The following PHKA2 variants were observed in gnomAD, a reference collection of about 807,000 sequenced individuals.
PHKA2 encodes the protein phosphorylase b kinase regulatory subunit alpha, liver isoform.
In PHKA2, 31 loss-of-function variants were observed where a neutral mutation model predicts 102.0. The ratio of observed to expected loss-of-function variants is 0.30; its 90% confidence interval spans 0.23 to 0.41. PHKA2 has a LOEUF of 0.41. PHKA2 is among the 10% of genes least tolerant of loss of function. The probability of loss-of-function intolerance (pLI) is 1.00; values close to 1 mark genes in which losing one functional copy is unlikely to be tolerated. For synonymous variants in PHKA2, 455 were observed against 416.2 expected (o/e 1.09, Z -1.13); for missense variants, 858 against 1,023.1 (o/e 0.84, Z 2.20).
chrX:18,907,832 TG>T, intron 22 of PHKA2, 67 bp downstream of exon 22: 1 of 1,083,617 alleles, frequency 9.2e-7, no homozygotes. Flanking sequence ...ACTGGGAGAT[TG>T]GAAGTGGAAG....
intron 19 of PHKA2, 83 bp from the exon 20 acceptor site, chrX:18,911,043 T>C (rs1401888769): frequency 3.4e-6 from 2 of 594,628 alleles, no homozygotes; most frequent in Non-Finnish European, 5.4e-6. Context: ...TCTCACTCTG[T>C]CACCCAGGCT....
chrX:18,972,780 T>C (rs193257920), intron 1 of PHKA2, among the ~76,000 whole-genome samples: 187 of 111,893 alleles, frequency 1.7e-3, no homozygotes, highest in African/African-American at 5.9e-3. Flanking sequence ...GGGTTTTCTG[T>C]AGCACTTTTT....
chrX:18,935,874 C>A (rs2048385235), intron 11 of PHKA2, among the ~76,000 whole-genome samples, 181 bp downstream of exon 11: 1 of 110,311 alleles, frequency 9.1e-6, no homozygotes, highest in Non-Finnish European at 1.9e-5. Context: ...CCTCAGCCTC[C>A]CAAAGTGCTG....
rs111366606 is a variant in PHKA2 at position 18,956,998 on chromosome X, G to T, written c.79-2586C>A. 5.2e-3 allele frequency among the ~76,000 whole-genome samples: 579 copies of T among 112,309 alleles called. 5 individuals carry two copies. The highest frequency in any genetic ancestry group is 0.018 in the African/African-American group (542 of 30,920). ...GCTCACTGCAACCTCTGCCTCCTGGGTTCAAGCAATTCTCCTGCCACAGCC... is the reference window on the plus strand; with the variant it reads ...GCTCACTGCAACCTCTGCCTCCTGGTTTCAAGCAATTCTCCTGCCACAGCC... On this transcript the variant is annotated intron_variant, in intron 1 of 32. Transcript: ENST00000379942.
intron 30 of PHKA2, chrX:18,895,938 T>G (rs2047543383): frequency 9.0e-6 from 1 of 111,544 alleles, no homozygotes; most frequent in Admixed American, 9.4e-5. Context: ...CCCTGCAGGA[T>G]CCTGCCTGGG....
At chrX:18,918,879 G>C (rs1418244087) in intron 18 of PHKA2, 25 bp from the exon 19 acceptor site, 2 of 1,194,906 alleles carry the variant, frequency 1.7e-6, no homozygotes, top group Middle Eastern at 2.3e-4. Context: ...GCAAGAAAAA[G>C]AGCCAATGAA....
intron 19 of PHKA2, among the ~76,000 whole-genome samples, chrX:18,914,881 A>G (rs1309428410): frequency 3.6e-5 from 4 of 111,617 alleles, no homozygotes; most frequent in Non-Finnish European, 5.7e-5. Context: ...CTCATGCATG[A>G]CCAGGTAAGC....
intron 3 of PHKA2, among the ~76,000 whole-genome samples, chrX:18,952,029 T>A (rs1454344911): frequency 4.6e-5 from 5 of 109,554 alleles, no homozygotes; most frequent in African/African-American, 1.7e-4. Context: ...GATACAATAG[T>A]AAAGTTACTG....
Position 18,983,917 on chromosome X carries a change from T to C in PHKA2, c.16A>G (p.Asn6Asp). ...TACCCGTCCAAGCGGACCCCGGAAT[T>C]GCTCCTGCTCCGCATCTCCCCGAGG... is the stretch of plus-strand genomic sequence containing the variant. MRSRS[N>D]SGVRLDGYAR... is the part of the protein sequence containing the mutation. Residue 6 changes from asparagine to aspartate, a missense_variant, in exon 1 of 33, where the codon AAT becomes GAT. Transcript: ENST00000379942. 1 of 1,210,671 alleles carries C rather than the reference T, an allele frequency of 8.3e-7. No individual in the cohort carries two copies. The highest frequency in any genetic ancestry group is 1.1e-6 in the Non-Finnish European group (1 of 894,292).
intron 29 of PHKA2, chrX:18,897,627 G>C (rs767064419): frequency 5.8e-6 from 2 of 347,552 alleles, no homozygotes; most frequent in Non-Finnish European, 1.0e-5. Flanking sequence ...CACGGGCTTG[G>C]GGGTCAGACT....
chrX:18,942,540 A>G (rs2048509672), intron 7 of PHKA2, among the ~76,000 whole-genome samples: 1 of 111,361 alleles, frequency 9.0e-6, no homozygotes, highest in Non-Finnish European at 1.9e-5. Context: ...TGGATTACAC[A>G]TCTATTAAGA....
chrX:18,893,778 C>T, intron 32 of PHKA2, 123 bp from the exon 33 acceptor site: 1 of 646,217 alleles, frequency 1.5e-6, no homozygotes, highest in Non-Finnish European at 2.5e-6. Flanking sequence ...GAGCCTTGGC[C>T]TTCTGAGAGG....
intron 1 of PHKA2, among the ~76,000 whole-genome samples, chrX:18,971,670 G>A (rs1194704663): frequency 8.9e-6 from 1 of 112,521 alleles, no homozygotes; most frequent in African/African-American, 3.2e-5. Flanking sequence ...ACTCTCTTAG[G>A]ATTAAGCTTT....
intron 19 of PHKA2, among the ~76,000 whole-genome samples, chrX:18,917,537 G>A (rs1406572006): frequency 9.0e-6 from 1 of 111,122 alleles, no homozygotes; most frequent in African/African-American, 3.3e-5. Context: ...GGGATTACAG[G>A]TATGAGCCAC....
chrX:18,913,011 G>A (rs1399175149), intron 19 of PHKA2, among the ~76,000 whole-genome samples: 1 of 109,368 alleles, frequency 9.1e-6, no homozygotes, highest in African/African-American at 3.3e-5. Flanking sequence ...TCAGGAGACT[G>A]AGGCTGCAGT....
intron 4 of PHKA2, among the ~76,000 whole-genome samples, chrX:18,949,479 T>G (rs1226949720): frequency 8.9e-6 from 1 of 111,759 alleles, no homozygotes; most frequent in African/African-American, 3.3e-5. Flanking sequence ...TTGAGTGATA[T>G]CTAACTCTCA....
At chrX:18,965,584 G>T (rs1356359557) in intron 1 of PHKA2, among the ~76,000 whole-genome samples, 1 of 110,737 alleles carries the variant, frequency 9.0e-6, no homozygotes, top group Admixed American at 9.7e-5. Context: ...GCCTTTCTGG[G>T]GTGTGTGTGG....
At position 18,893,361 on chromosome X, in the gene PHKA2, G is replaced by T; in HGVS notation, c.*124C>A. Reference sequence around the variant, plus strand: ...AGGGTGAGTGCTACCATTGCCCCCCGAGAGTGTTTCTGATGGGACATGCTT... The same window carrying T: ...AGGGTGAGTGCTACCATTGCCCCCCTAGAGTGTTTCTGATGGGACATGCTT... On this transcript the variant is annotated 3_prime_UTR_variant, in exon 33 of 33. Transcript: ENST00000379942. 2.9e-6 allele frequency: 2 copies of T among 694,469 alleles called. No homozygotes were observed. Among genetic ancestry groups the T allele is most frequent in the South Asian group, 2.2e-5 (1 of 46,003 alleles). The allele number at this position is 694,469 out of a possible 1,213,427, so 57.2% of individuals were successfully genotyped here.
chrX:18,954,182 C>G, intron 2 of PHKA2, 72 bp downstream of exon 2: 2 of 1,080,038 alleles, frequency 1.9e-6, no homozygotes, highest in East Asian at 3.0e-5. Context: ...CACACAGCTA[C>G]TTCTCTGTGG....
Sources: gnomAD v4.1 joint callset for allele counts (sites outside exome capture counted in the v4.1 genomes callset) on GRCh38, gnomAD v4.1.1 for gene constraint, MANE v1.5 for transcripts, NCBI Gene and HGNC (gene_info 2026-07-23, HGNC 2026-07-21) for gene names.